MACROD2: variants seen among roughly 807,000 people sequenced by gnomAD.
MACROD2 encodes the protein mono-ADP ribosylhydrolase 2, also known as ADP-ribose glycohydrolase MACROD2.
A neutral mutation model predicts 70.4 loss-of-function variants in MACROD2; 36 were observed. That is an observed-to-expected ratio of 0.51 (90% confidence interval 0.39 to 0.68). The LOEUF (loss-of-function observed/expected upper bound fraction) is 0.68, where lower values mean the gene tolerates loss of function less well. MACROD2 is among the 30% of genes least tolerant of loss of function. The pLI, the probability that MACROD2 is intolerant of heterozygous loss-of-function variation, is 0.00. For synonymous variants in MACROD2, 172 were observed against 178.8 expected (o/e 0.96, Z 0.30); for missense variants, 496 against 538.4 (o/e 0.92, Z 0.78).
chr20:15,185,644 A>G (rs983573110), intron 5 of MACROD2, among the ~76,000 whole-genome samples: 2 of 152,182 alleles, frequency 1.3e-5, no homozygotes, highest in Non-Finnish European at 2.9e-5. Flanking sequence ...AACGACTTAG[A>G]TGGTCTGATA....
chr20:15,738,399 C>T (rs1166569451), intron 8 of MACROD2, among the ~76,000 whole-genome samples: 2 of 152,056 alleles, frequency 1.3e-5, no homozygotes, highest in Non-Finnish European at 2.9e-5. Flanking sequence ...GAGGCAGTGT[C>T]ACAGAAGCTG....
chr20:15,759,438 G>T (rs1183313323), intron 8 of MACROD2, among the ~76,000 whole-genome samples: 1 of 152,320 alleles, frequency 6.6e-6, no homozygotes, highest in South Asian at 2.1e-4. Flanking sequence ...AAAACGTTCT[G>T]TGGCTGCTGG....
At chr20:15,569,661 T>G (rs1233751) in intron 8 of MACROD2, among the ~76,000 whole-genome samples, 118,100 of 152,054 alleles carry the variant, frequency 0.78, 49,919 homozygotes, top group Non-Finnish European at 0.96. Context: ...TTTCTGTGCC[T>G]GGCTTATTTT....
At chr20:15,209,929 G>A (rs749292882) in intron 5 of MACROD2, among the ~76,000 whole-genome samples, 1 of 152,160 alleles carries the variant, frequency 6.6e-6, no homozygotes, top group Non-Finnish European at 1.5e-5. Flanking sequence ...TCTCCATAGA[G>A]TTTATTTGTA....
intron 7 of MACROD2, 30 bp from the exon 8 acceptor site, chr20:15,499,744 T>C: frequency 6.2e-7 from 1 of 1,609,946 alleles, no homozygotes. Context: ...TCTTTCGTTG[T>C]TCATTTGTTT....
chr20:15,873,386 A>T (rs1045325020), intron 9 of MACROD2, among the ~76,000 whole-genome samples: 1 of 152,112 alleles, frequency 6.6e-6, no homozygotes, highest in Non-Finnish European at 1.5e-5. Flanking sequence ...ACTTTTATAC[A>T]TGAAAAAAAG....
intron 8 of MACROD2, among the ~76,000 whole-genome samples, chr20:15,600,510 TTCTC>T (rs1327618635): frequency 6.6e-6 from 1 of 152,142 alleles, no homozygotes; most frequent in Admixed American, 6.5e-5. Flanking sequence ...CCCTTCTTCT[TTCTC>T]TATCTCTTTT....
intron 8 of MACROD2, among the ~76,000 whole-genome samples, chr20:15,581,098 CA>C (rs2048517662): frequency 6.6e-6 from 1 of 152,172 alleles, no homozygotes; most frequent in Admixed American, 6.5e-5. Context: ...CTTCAGAGAA[CA>C]ATCCATCATG....
chr20:15,510,016 C>G (rs936059651), intron 8 of MACROD2, among the ~76,000 whole-genome samples: 1 of 152,224 alleles, frequency 6.6e-6, no homozygotes, highest in South Asian at 2.1e-4. Flanking sequence ...AAGATGATTA[C>G]CAACCCCCAT....
intron 3 of MACROD2, among the ~76,000 whole-genome samples, chr20:14,172,086 A>G (rs1379231964): frequency 1.3e-5 from 2 of 152,052 alleles, no homozygotes; most frequent in South Asian, 2.1e-4. Context: ...ATCATTATAT[A>G]ATTTTCCTCT....
chr20:15,849,145 ACACT>A (rs946438888), intron 8 of MACROD2, among the ~76,000 whole-genome samples: 2 of 152,180 alleles, frequency 1.3e-5, no homozygotes, highest in African/African-American at 4.8e-5. Context: ...ATGCACACAC[ACACT>A]CACACACACA....
chr20:15,323,297 AG>A (rs2077892200), intron 6 of MACROD2, among the ~76,000 whole-genome samples: 3 of 152,188 alleles, frequency 2.0e-5, no homozygotes, highest in African/African-American at 7.2e-5. Context: ...CACTCTTACA[AG>A]TAAAGTCTAT....
chr20:14,557,366 T>C (rs1979105474), intron 4 of MACROD2, among the ~76,000 whole-genome samples: 2 of 151,852 alleles, frequency 1.3e-5, no homozygotes, highest in African/African-American at 2.4e-5. Context: ...AAAAGAAAGA[T>C]ACATACACTG....
chr20:15,057,758 A>G (rs370736284), intron 5 of MACROD2, among the ~76,000 whole-genome samples: 5 of 152,098 alleles, frequency 3.3e-5, no homozygotes, highest in Non-Finnish European at 7.4e-5. Flanking sequence ...CATTATATCA[A>G]TTTCTTCCCT....
At chr20:14,740,164 A>C (rs975398954) in intron 5 of MACROD2, among the ~76,000 whole-genome samples, 6 of 152,136 alleles carry the variant, frequency 3.9e-5, no homozygotes, top group African/African-American at 1.4e-4. Flanking sequence ...AAAGGCTTAG[A>C]ATGGGCTATT....
chr20:15,526,123 G>C (rs7273284), intron 8 of MACROD2, among the ~76,000 whole-genome samples: 22,860 of 152,158 alleles, frequency 0.15, 1,859 homozygotes, highest in South Asian at 0.3. Context: ...ACAAAGGCAA[G>C]GACTATGGTT....
intron 15 of MACROD2, among the ~76,000 whole-genome samples, chr20:16,019,528 G>A (rs1009675034): frequency 6.6e-6 from 1 of 152,172 alleles, no homozygotes; most frequent in African/African-American, 2.4e-5. Context: ...ATATTCCATG[G>A]GAGTTCTGAG....
intron 4 of MACROD2, among the ~76,000 whole-genome samples, chr20:14,629,999 C>CTATT (rs59981945): frequency 6.6e-6 from 1 of 151,796 alleles, no homozygotes; most frequent in African/African-American, 2.4e-5. Flanking sequence ...ATCTATCTAT[C>CTATT]CATCCCCTTT....
At chr20:14,526,982 G>A (rs2085241314) in intron 4 of MACROD2, among the ~76,000 whole-genome samples, 1 of 152,242 alleles carries the variant, frequency 6.6e-6, no homozygotes, top group Non-Finnish European at 1.5e-5. Context: ...CGGATCATAT[G>A]TGGACTTGGA....
Sources: gnomAD v4.1 joint callset for allele counts (sites outside exome capture counted in the v4.1 genomes callset) on GRCh38, gnomAD v4.1.1 for gene constraint, MANE v1.5 for transcripts, NCBI Gene and HGNC (gene_info 2026-07-23, HGNC 2026-07-21) for gene names.